The following DIS3L2 variants were observed in gnomAD, a reference collection of about 807,000 sequenced individuals.
DIS3L2 encodes the protein DIS3-like exonuclease 2.
A neutral mutation model predicts 97.5 loss-of-function variants in DIS3L2; 34 were observed. That is an observed-to-expected ratio of 0.35 (90% CI 0.27 to 0.46). DIS3L2 has a LOEUF of 0.46. Among genes scored for constraint, DIS3L2 ranks in the 20% least tolerant of loss-of-function variants. The pLI is 1.00. For synonymous variants in DIS3L2, 435 were observed against 445.2 expected (o/e 0.98, Z 0.29); for missense variants, 1,038 against 1,146.0 (o/e 0.91, Z 1.36).
intron 1 of DIS3L2, among the ~76,000 whole-genome samples, chr2:231,976,351 C>G (rs1158754597): frequency 1.3e-5 from 2 of 152,062 alleles, no homozygotes; most frequent in Non-Finnish European, 1.5e-5. Context: ...TAGATTGGGC[C>G]AGGCACGGTA....
Position 232,101,797 on chromosome 2 carries a change from T to TC in DIS3L2, c.601+14077dup, listed in dbSNP as rs1485552325. 4.6e-5 allele frequency among the ~76,000 whole-genome samples: 7 copies of TC among 152,368 alleles called. No individual in the cohort carries two copies. In the East Asian group the frequency reaches 1.3e-3, roughly 29 times the overall value. ...TTGTCCTCCCAACTATTACATTCTT[T>TC]CTCCCCTAATAAATAGCAATATATA... On this transcript the variant is annotated intron_variant, in intron 6 of 20. Transcript: ENST00000325385.
intron 5 of DIS3L2, among the ~76,000 whole-genome samples, chr2:232,042,766 A>G (rs1695143820): frequency 6.6e-6 from 1 of 152,198 alleles, no homozygotes; most frequent in South Asian, 2.1e-4. Context: ...CCTAATTAAT[A>G]TTTCAGGGTT....
intron 13 of DIS3L2, among the ~76,000 whole-genome samples, chr2:232,290,407 G>A (rs780098233): frequency 5.9e-5 from 9 of 152,280 alleles, no homozygotes; most frequent in Admixed American, 3.9e-4. Flanking sequence ...TCCTTGCTGG[G>A]CTCACCCAGT....
chr2:232,100,351 T>C (rs1697161130), intron 6 of DIS3L2, among the ~76,000 whole-genome samples: 2 of 152,076 alleles, frequency 1.3e-5, no homozygotes, highest in South Asian at 4.1e-4. Context: ...TTTTCCTCTA[T>C]TGTTGATGTT....
intron 13 of DIS3L2, among the ~76,000 whole-genome samples, chr2:232,296,945 C>A (rs912135381): frequency 3.3e-5 from 5 of 152,168 alleles, no homozygotes; most frequent in Admixed American, 2.0e-4. Flanking sequence ...CTTTGAGACT[C>A]CCCCTGCAAT....
intron 5 of DIS3L2, among the ~76,000 whole-genome samples, chr2:232,077,345 G>A (rs1696224865): frequency 6.6e-6 from 1 of 150,976 alleles, no homozygotes; most frequent in Non-Finnish European, 1.5e-5. Context: ...TCTGTGCTTG[G>A]TAAAACTAAC....
downstream of DIS3L2, among the ~76,000 whole-genome samples, chr2:232,337,408 G>A (rs554008247): frequency 6.6e-6 from 1 of 152,274 alleles, no homozygotes; most frequent in East Asian, 1.9e-4. Flanking sequence ...AGCACCAAGG[G>A]AGCCTGGACA....
At chr2:232,186,406 A>G (rs1232777470) in intron 9 of DIS3L2, among the ~76,000 whole-genome samples, 1 of 152,250 alleles carries the variant, frequency 6.6e-6, no homozygotes, top group Non-Finnish European at 1.5e-5. Flanking sequence ...TATTGAATTC[A>G]TAATTTAAAA....
At chr2:232,181,399 C>T (rs1335105713) in intron 9 of DIS3L2, among the ~76,000 whole-genome samples, 1 of 152,160 alleles carries the variant, frequency 6.6e-6, no homozygotes, top group Non-Finnish European at 1.5e-5. Context: ...TGATATCCTG[C>T]AGAGTGTTTT....
chr2:232,008,065 G>C (rs1458231409), intron 1 of DIS3L2, among the ~76,000 whole-genome samples: 1 of 151,968 alleles, frequency 6.6e-6, no homozygotes, highest in Non-Finnish European at 1.5e-5. Context: ...GGAGTTCAGC[G>C]ATGTAATCAC....
At chr2:232,314,419 C>T (rs1368897042) in intron 14 of DIS3L2, among the ~76,000 whole-genome samples, 1 of 151,434 alleles carries the variant, frequency 6.6e-6, no homozygotes, top group African/African-American at 2.4e-5. Context: ...GGGTCGAGAC[C>T]CAAACCGAGC....
chr2:232,063,544 G>T (rs1695772546), intron 5 of DIS3L2, among the ~76,000 whole-genome samples: 1 of 152,022 alleles, frequency 6.6e-6, no homozygotes, highest in South Asian at 2.1e-4. Context: ...TTTCTGTTCT[G>T]CAAACATGCC....
chr2:232,277,429 A>G (rs1367307499), intron 13 of DIS3L2, among the ~76,000 whole-genome samples: 1 of 152,192 alleles, frequency 6.6e-6, no homozygotes. Context: ...TTCAAAAATC[A>G]TTTTGGATTA....
intron 1 of DIS3L2, among the ~76,000 whole-genome samples, chr2:231,973,050 A>T (rs999179901): frequency 6.6e-6 from 1 of 152,306 alleles, no homozygotes; most frequent in East Asian, 1.9e-4. Context: ...TGAATTGGAA[A>T]ATGTTCCTTT....
chr2:232,224,005 G>A (rs368146959), intron 10 of DIS3L2, among the ~76,000 whole-genome samples: 11 of 152,158 alleles, frequency 7.2e-5, no homozygotes, highest in African/African-American at 9.7e-5. Context: ...TGGGAGGATC[G>A]TTTGAGCCCA....
intron 1 of DIS3L2, among the ~76,000 whole-genome samples, chr2:231,961,969 C>T (rs1157796959): frequency 1.3e-5 from 2 of 152,218 alleles, no homozygotes; most frequent in Non-Finnish European, 2.9e-5. Flanking sequence ...ATGTCCCCAG[C>T]TCCCCACTCT....
chr2:232,078,005 CTTTCTTTCTTTCTTTTTCTCTT>C (rs1696263281), intron 5 of DIS3L2, among the ~76,000 whole-genome samples: 1 of 119,068 alleles, frequency 8.4e-6, no homozygotes, highest in Admixed American at 8.8e-5. Flanking sequence ...TTCTTTCTTT[CTTTCTTTCTTTCTTTTTCTCTT>C]TCTCTTTCTC....
intron 16 of DIS3L2, among the ~76,000 whole-genome samples, chr2:232,332,626 G>A (rs1356038171): frequency 6.6e-6 from 1 of 152,014 alleles, no homozygotes; most frequent in Non-Finnish European, 1.5e-5. Context: ...AGAGACTCTC[G>A]GTATCTCCCC....
intron 5 of DIS3L2, among the ~76,000 whole-genome samples, chr2:232,085,409 T>C (rs1696545094): frequency 1.3e-5 from 2 of 152,202 alleles, no homozygotes; most frequent in Non-Finnish European, 2.9e-5. Flanking sequence ...CACTAGGATG[T>C]AGGACTCATG....
Sources: gnomAD v4.1 joint callset for allele counts (sites outside exome capture counted in the v4.1 genomes callset) on GRCh38, gnomAD v4.1.1 for gene constraint, MANE v1.5 for transcripts, NCBI Gene and HGNC (gene_info 2026-07-23, HGNC 2026-07-21) for gene names.